SNTG1: variants seen among roughly 807,000 people sequenced by gnomAD.
SNTG1 encodes gamma-1-syntrophin.
Under a neutral mutation model 74.7 loss-of-function variants are expected in SNTG1, and 39 were observed. The observed-to-expected ratio is 0.52, with a 90% CI of 0.40 to 0.68. The LOEUF (loss-of-function observed/expected upper bound fraction) is 0.68. Ranked by LOEUF, SNTG1 falls within the 30% of genes least tolerant of loss-of-function variation. SNTG1 has a pLI of 0.00. For missense variants in SNTG1, 685 were observed against 609.5 expected, an observed-to-expected ratio of 1.12 and a Z score of -1.30; for synonymous variants, 254 against 217.1, an observed-to-expected ratio of 1.17 and a Z score of -1.49.
At chr8:50,515,316 A>T (rs1295100844) in intron 9 of SNTG1, among the ~76,000 whole-genome samples, 1 of 151,552 alleles carries the variant, frequency 6.6e-6, no homozygotes, top group Non-Finnish European at 1.5e-5. Context: ...GTAAAAATAC[A>T]CATACCTTAA....
At chr8:49,965,839 C>G (rs979170750) in intron 1 of SNTG1, among the ~76,000 whole-genome samples, 6 of 152,122 alleles carry the variant, frequency 3.9e-5, no homozygotes, top group African/African-American at 1.4e-4. Flanking sequence ...TCTACTAATT[C>G]AGTGTTTTTC....
chr8:50,586,311 C>A (rs2094647722), intron 12 of SNTG1, among the ~76,000 whole-genome samples: 1 of 152,050 alleles, frequency 6.6e-6, no homozygotes, highest in African/African-American at 2.4e-5. Flanking sequence ...TGATGTTTTA[C>A]AAATGAAGGG....
At chr8:50,010,475 A>G (rs1815669642) in intron 1 of SNTG1, among the ~76,000 whole-genome samples, 1 of 152,174 alleles carries the variant, frequency 6.6e-6, no homozygotes, top group Non-Finnish European at 1.5e-5. Context: ...TGAATTAATC[A>G]AATGTCTGAC....
intron 15 of SNTG1, among the ~76,000 whole-genome samples, chr8:50,685,612 CA>C (rs2095349202): frequency 6.6e-6 from 1 of 152,070 alleles, no homozygotes; most frequent in South Asian, 2.1e-4. Context: ...TCCATAAAAA[CA>C]TTTCATAATA....
intron 15 of SNTG1, among the ~76,000 whole-genome samples, chr8:50,669,527 T>G (rs1032110432): frequency 3.9e-5 from 6 of 152,032 alleles, no homozygotes; most frequent in South Asian, 2.1e-4. Flanking sequence ...AATAACAGGA[T>G]CTGAAATTGT....
At chr8:50,557,495 A>G (rs758381203) in intron 12 of SNTG1, among the ~76,000 whole-genome samples, 1 of 152,176 alleles carries the variant, frequency 6.6e-6, no homozygotes, top group Non-Finnish European at 1.5e-5. Context: ...TGCCAGCAGG[A>G]TACATCCCTC....
At chr8:50,317,467 T>A (rs1393831136) in intron 2 of SNTG1, among the ~76,000 whole-genome samples, 1 of 152,118 alleles carries the variant, frequency 6.6e-6, no homozygotes, top group Non-Finnish European at 1.5e-5. Flanking sequence ...AGACTCTAAG[T>A]GGAAAAGTAA....
Position 50,402,272 on chromosome 8 carries a change from C to A in SNTG1, c.90C>A (p.His30Gln). 1 of 1,613,630 alleles carries A rather than the reference C, an allele frequency of 6.2e-7. No homozygotes were observed. The highest frequency in any genetic ancestry group is 8.5e-7 in the Non-Finnish European group (1 of 1,179,890). ...AGGAGCCTTTCAAAGTGCGGCTGCA[C>A]CTAGCCAAAGACATTTTGATGATCC... Reference protein sequence around the residue: ...GNQEPFKVRLHLAKDILMIQE... With the variant: ...GNQEPFKVRLQLAKDILMIQE... Residue 30 changes from histidine to glutamine, a missense_variant, in exon 4 of 19, where the codon CAC becomes CAA. Coordinates refer to ENST00000642720, the MANE Select transcript of SNTG1 (RefSeq NM_018967.5).
At chr8:50,445,012 C>T (rs554313759) in intron 5 of SNTG1, among the ~76,000 whole-genome samples, 49 of 152,298 alleles carry the variant, frequency 3.2e-4, no homozygotes, top group African/African-American at 1.1e-3. Flanking sequence ...AACATTCTAT[C>T]ACTTCCAGAA....
intron 1 of SNTG1, among the ~76,000 whole-genome samples, chr8:49,944,977 A>T (rs998952502): frequency 2.0e-5 from 3 of 151,962 alleles, no homozygotes; most frequent in Non-Finnish European, 2.9e-5. Flanking sequence ...TTTAGTAGAG[A>T]CCAGGTTTCA....
At chr8:50,747,176 G>A (rs1373140220) in intron 17 of SNTG1, among the ~76,000 whole-genome samples, 1 of 151,682 alleles carries the variant, frequency 6.6e-6, no homozygotes, top group Non-Finnish European at 1.5e-5. Flanking sequence ...CTACAAATCT[G>A]GAAAAGTAGT....
intron 1 of SNTG1, among the ~76,000 whole-genome samples, chr8:50,096,961 T>A (rs1416076862): frequency 6.6e-6 from 1 of 151,964 alleles, no homozygotes; most frequent in Non-Finnish European, 1.5e-5. Flanking sequence ...TTACTAAAAC[T>A]TTTTATTATT....
intron 1 of SNTG1, among the ~76,000 whole-genome samples, chr8:49,932,928 A>G (rs1398123267): frequency 6.6e-6 from 1 of 152,168 alleles, no homozygotes; most frequent in East Asian, 1.9e-4. Context: ...AGGTTCATCC[A>G]TATTGCAGCA....
chr8:50,691,157 G>C (rs1585545885), intron 15 of SNTG1, among the ~76,000 whole-genome samples: 1 of 152,090 alleles, frequency 6.6e-6, no homozygotes, highest in African/African-American at 2.4e-5. Flanking sequence ...CACGTGAGAT[G>C]GGTTTCCTGA....
chr8:50,654,106 G>A (rs1395466475), intron 13 of SNTG1, among the ~76,000 whole-genome samples: 1 of 152,020 alleles, frequency 6.6e-6, no homozygotes, highest in Non-Finnish European at 1.5e-5. Flanking sequence ...CTGAATCTGT[G>A]TATTGACTTC....
intron 2 of SNTG1, among the ~76,000 whole-genome samples, chr8:50,205,319 AATG>A (rs558028776): frequency 5.3e-4 from 81 of 152,342 alleles, no homozygotes; most frequent in Middle Eastern, 3.4e-3. Context: ...TCTGATGGCC[AATG>A]ATGATGAACA....
Position 50,322,665 on chromosome 8 carries a change from C to T in SNTG1, c.-27-71547C>T, listed in dbSNP as rs562579564. Among the ~76,000 whole-genome samples, 22 of 152,218 alleles carry T rather than the reference C, an allele frequency of 1.4e-4. No homozygotes were observed. In the South Asian group the frequency reaches 4.6e-3, roughly 32 times the overall value. ...TACTCCCTCCTTAATGGCAGTAACT[C>T]TTAGACTTGCCCTTTTGGGGTTATT... On this transcript the variant is annotated intron_variant, in intron 2 of 18. Coordinates refer to ENST00000642720, the MANE Select transcript of SNTG1 (RefSeq NM_018967.5).
At position 50,115,522 on chromosome 8, in the gene SNTG1, C is replaced by G. The variant is rs540712130; in HGVS notation, c.-102-57039C>G. ...GGCAGAGTTTGCAATGAGCCAAGAT[C>G]TTGCCATTGCACTCCAGCCTGGGTG... On this transcript the variant is annotated intron_variant, in intron 1 of 18. Transcript: ENST00000642720. Among the ~76,000 whole-genome samples, 663 of 128,610 alleles carry G rather than the reference C, an allele frequency of 5.2e-3. 5 individuals carry two copies. The Middle Eastern group carries it at 0.066, about 13-fold the overall frequency. The allele number at this position is 128,610 out of a possible 152,430, so 84.4% of individuals were successfully genotyped here.
intron 13 of SNTG1, among the ~76,000 whole-genome samples, chr8:50,600,072 G>A (rs1338455760): frequency 6.6e-6 from 1 of 152,064 alleles, no homozygotes; most frequent in African/African-American, 2.4e-5. Context: ...TATGGTTGTT[G>A]TTCCTCATTC....
Sources: allele counts gnomAD v4.1 joint callset (sites outside exome capture counted in the v4.1 genomes callset), GRCh38; gene constraint gnomAD v4.1.1; transcripts MANE v1.5; gene names NCBI Gene and HGNC (gene_info 2026-07-23, HGNC 2026-07-21).